ACCS: variants seen among roughly 807,000 people sequenced by gnomAD.
The protein encoded by ACCS is 1-aminocyclopropane-1-carboxylate synthase homolog (inactive), also known as 1-aminocyclopropane-1-carboxylate synthase-like protein 1.
Under a neutral mutation model 59.8 loss-of-function variants are expected in ACCS, and 42 were observed. The ratio of observed to expected loss-of-function variants is 0.70; its 90% CI spans 0.55 to 0.91. The LOEUF is 0.91. Among genes scored for constraint, ACCS ranks in the 40% least tolerant of loss-of-function variants. ACCS has a pLI of 0.00. For synonymous variants in ACCS, 230 were observed against 240.3 expected (o/e 0.96, Z 0.40); for missense variants, 602 against 630.4 (o/e 0.95, Z 0.48).
chr11:44,072,448 A>T (rs549046223), intron 3 of ACCS: 1 of 151,940 alleles, frequency 6.6e-6, no homozygotes, highest in Non-Finnish European at 1.5e-5. Context: ...GAGCCACTGC[A>T]CCCGGCCAGG....
intron 6 of ACCS, 69 bp downstream of exon 6, chr11:44,075,661 G>T (rs374790824): frequency 5.7e-5 from 88 of 1,551,144 alleles, no homozygotes; most frequent in Non-Finnish European, 2.1e-5. Flanking sequence ...CAGTTGCCTG[G>T]CCTCAAGGGC....
Position 44,083,981 on chromosome 11 carries a change from G to A in ACCS, c.*189G>A. Reference sequence around the variant, plus strand: ...ACTCCTTAAGCTGTGGTTCAGCCTGGGCCCTCCCTCTCTCCTATTAAACAA... The same window carrying A: ...ACTCCTTAAGCTGTGGTTCAGCCTGAGCCCTCCCTCTCTCCTATTAAACAA... On this transcript the variant is annotated 3_prime_UTR_variant, in exon 15 of 15. Transcript: ENST00000263776. The A allele has an allele frequency of 1.5e-6, 2 of 1,298,728 alleles. No homozygotes were observed. The highest frequency in any genetic ancestry group is 2.0e-6 in the Non-Finnish European group (2 of 977,190). The allele number at this position is 1,298,728 out of a possible 1,614,324, so 80.5% of individuals were successfully genotyped here. A position where few individuals can be genotyped will look rare whatever the true frequency, so the allele number is the denominator to read the frequency against.
intron 9 of ACCS, 80 bp downstream of exon 9, chr11:44,078,864 C>A: frequency 8.4e-7 from 1 of 1,196,496 alleles, no homozygotes; most frequent in Non-Finnish European, 1.2e-6. Context: ...GGTTTTTCTA[C>A]TCTCTTGACC....
intron 7 of ACCS, 186 bp downstream of exon 7, chr11:44,077,562 G>C (rs1336281274): frequency 9.0e-6 from 13 of 1,442,866 alleles, no homozygotes; most frequent in Non-Finnish European, 1.1e-5. Flanking sequence ...CAGTCTCTGA[G>C]ATCCCTGGGG....
chr11:44,082,583 C>A (rs1367582607), intron 12 of ACCS, among the ~76,000 whole-genome samples: 1 of 152,148 alleles, frequency 6.6e-6, no homozygotes, highest in Admixed American at 6.5e-5. Context: ...TGATGGAGAA[C>A]AGATCTGTGC....
At chr11:44,082,927 GGT>G (rs1315631658) in intron 12 of ACCS, among the ~76,000 whole-genome samples, 21 of 152,014 alleles carry the variant, frequency 1.4e-4, no homozygotes, top group Non-Finnish European at 2.9e-5. Context: ...GCGCTGAGGG[GGT>G]GTGGGACCTG....
chr11:44,071,199 C>T, intron 2 of ACCS, 57 bp from the exon 3 acceptor site: 1 of 1,589,748 alleles, frequency 6.3e-7, no homozygotes, highest in Non-Finnish European at 8.6e-7. Flanking sequence ...GCTCCTGGGG[C>T]CTTTCACTGG....
In ACCS at chr11:44,082,490, G is replaced by C. The variant is rs143396589; in HGVS notation, c.1112-679G>C. 2.5e-3 allele frequency among the ~76,000 whole-genome samples: 379 copies of C among 152,292 alleles called. 1 individual carries two copies. The highest frequency in any genetic ancestry group is 8.7e-3 in the African/African-American group (363 of 41,560). ...TATGGGATAATTTCAAAGGAATCCT[G>C]CTGAGTGAAAGCAGCTAGCCTCAAA... On this transcript the variant is annotated intron_variant, in intron 12 of 14. Coordinates refer to ENST00000263776, the MANE Select transcript of ACCS (RefSeq NM_032592.4).
intron 3 of ACCS, 47 bp downstream of exon 3, chr11:44,071,362 T>C (rs1565171699): frequency 1.3e-6 from 2 of 1,598,718 alleles, no homozygotes; most frequent in Non-Finnish European, 8.6e-7. Context: ...TCCGAGGAGC[T>C]GTCTTCCCTG....
rs1280802648 is a variant in ACCS, at chr11:44,074,587, C to G, written c.420-25C>G. 4 of 1,604,726 alleles carry G rather than the reference C, an allele frequency of 2.5e-6. No homozygotes were observed. The Admixed American group carries it at 6.7e-5, about 27-fold the overall frequency. ...CGTGGGTTGGGGACCATCTGGCAAGCACTGTCTTTTTGTCTTATCTTCAGC... is the reference window on the plus strand; with the variant it reads ...CGTGGGTTGGGGACCATCTGGCAAGGACTGTCTTTTTGTCTTATCTTCAGC... On this transcript the variant is annotated intron_variant, in intron 4 of 14. Transcript: ENST00000263776.
At chr11:44,075,755 C>A in intron 6 of ACCS, 163 bp downstream of exon 6, 1 of 751,932 alleles carries the variant, frequency 1.3e-6, no homozygotes, top group Non-Finnish European at 2.1e-6. Context: ...ACCCGGGGGT[C>A]AGCAGTTCCA....
rs369107890 is a variant in ACCS, at chr11:44,071,248, A to C, written c.289-8A>C. The C allele has an allele frequency of 7.4e-6, 12 of 1,614,016 alleles. No individual in the cohort carries two copies. The highest frequency in any genetic ancestry group is 1.0e-5 in the Non-Finnish European group (12 of 1,179,968). On this transcript the variant is annotated splice_polypyrimidine_tract_variant and splice_region_variant and intron_variant, in intron 2 of 14. Coordinates refer to ENST00000263776, the MANE Select transcript of ACCS (RefSeq NM_032592.4). ...TGCTAACTCTGCCTCTGTACCTCTC[A>C]TCTCCAGGGCATCATTAACTTGGGC...
intron 3 of ACCS, among the ~76,000 whole-genome samples, chr11:44,072,846 A>T (rs1324745857): frequency 6.6e-6 from 1 of 152,172 alleles, no homozygotes; most frequent in East Asian, 1.9e-4. Flanking sequence ...GGACCCAGTT[A>T]TGTAGAAGTG....
intron 10 of ACCS, chr11:44,080,788 T>C (rs111880714): frequency 1.7e-6 from 1 of 584,888 alleles, no homozygotes; most frequent in African/African-American, 1.9e-5. Context: ...GTGTTCTCAT[T>C]AAACTTTATT....
intron 3 of ACCS, chr11:44,071,530 T>G: frequency 1.9e-6 from 1 of 531,980 alleles, no homozygotes; most frequent in Non-Finnish European, 3.3e-6. Flanking sequence ...TGTAGACTCT[T>G]ATTTCACTCA....
rs1467445745 is a variant in ACCS, at chr11:44,066,456, C to T, written c.-246C>T. Reference sequence around the variant, plus strand: ...CTTCCTCTGCCTGGAAACCTGGAGCCGTCTCTCGCGAGACGTCCTCCGCCC... The same window carrying T: ...CTTCCTCTGCCTGGAAACCTGGAGCTGTCTCTCGCGAGACGTCCTCCGCCC... On this transcript the variant is annotated 5_prime_UTR_variant, in exon 1 of 15. Coordinates refer to ENST00000263776, the MANE Select transcript of ACCS (RefSeq NM_032592.4). The T allele has an allele frequency of 2.6e-5, 4 of 152,362 alleles. No homozygotes were observed. Among genetic ancestry groups the T allele is most frequent in the African/African-American group, 4.8e-5 (2 of 41,476 alleles). 9.4% of individuals were successfully genotyped at this position (152,362 alleles called of 1,614,324 possible).
chr11:44,079,045 A>G (rs1953512868), intron 9 of ACCS: 3 of 470,358 alleles, frequency 6.4e-6, no homozygotes, highest in South Asian at 5.6e-5. Context: ...GCCTCATACA[A>G]TCCTCACAAC....
chr11:44,078,151 C>A, intron 8 of ACCS: 2 of 555,488 alleles, frequency 3.6e-6, no homozygotes, highest in Non-Finnish European at 6.2e-6. Context: ...AGAGAATCAA[C>A]CAGGGAGCAT....
At chr11:44,074,210 A>G (rs1325573555) in intron 4 of ACCS, among the ~76,000 whole-genome samples, 1 of 151,720 alleles carries the variant, frequency 6.6e-6, no homozygotes, top group Non-Finnish European at 1.5e-5. Flanking sequence ...TGATAGTAGT[A>G]GCCGCATCAT....
Sources: allele counts gnomAD v4.1 joint callset (sites outside exome capture counted in the v4.1 genomes callset), GRCh38; gene constraint gnomAD v4.1.1; transcripts MANE v1.5; gene names NCBI Gene and HGNC (gene_info 2026-07-23, HGNC 2026-07-21).